Variants in ERC1 observed in about 807,000 individuals in gnomAD.
ERC1 encodes RAB6 interacting protein 2.
Under a neutral mutation model 132.0 loss-of-function variants are expected in ERC1, and 56 were observed. The observed-to-expected ratio is 0.42, with a 90% confidence interval of 0.34 to 0.53. The LOEUF is 0.53. Ranked by LOEUF, ERC1 falls within the 20% of genes least tolerant of loss-of-function variation. The pLI is 0.03. For synonymous variants in ERC1, 478 were observed against 476.1 expected, an observed-to-expected ratio of 1.00 and a Z score of -0.05; for missense variants, 1,202 against 1,349.9, an observed-to-expected ratio of 0.89 and a Z score of 1.72.
chr12:1,438,999 G>C (rs2093029313), intron 17 of ERC1, among the ~76,000 whole-genome samples: 1 of 150,866 alleles, frequency 6.6e-6, no homozygotes, highest in Non-Finnish European at 1.5e-5. Context: ...ACGGACAAAA[G>C]ATTAGTACCC....
At chr12:1,334,581 C>T (rs2083150620) in intron 15 of ERC1, among the ~76,000 whole-genome samples, 1 of 152,052 alleles carries the variant, frequency 6.6e-6, no homozygotes, top group Non-Finnish European at 1.5e-5. Context: ...CTCTTCTGTT[C>T]CATTGGTCTA....
chr12:1,480,920 C>G, intron 18 of ERC1: 1 of 702,544 alleles, frequency 1.4e-6, no homozygotes, highest in Non-Finnish European at 2.6e-6. Flanking sequence ...CAGACGCCCC[C>G]AGACGTCCCC....
At chr12:1,438,946 TAA>T (rs145056944) in intron 17 of ERC1, among the ~76,000 whole-genome samples, 18,572 of 144,598 alleles carry the variant, frequency 0.13, 2,626 homozygotes, top group African/African-American at 0.36. Context: ...TGTCTCAATT[TAA>T]AAAAAAATAT....
chr12:1,225,423 C>T (rs1301958265), intron 12 of ERC1, among the ~76,000 whole-genome samples: 1 of 138,006 alleles, frequency 7.2e-6, no homozygotes, highest in Non-Finnish European at 1.5e-5. Flanking sequence ...CTACTACAGC[C>T]AGGACAACAA....
chr12:1,475,271 C>T (rs2093947642), intron 18 of ERC1, among the ~76,000 whole-genome samples: 1 of 152,162 alleles, frequency 6.6e-6, no homozygotes, highest in Non-Finnish European at 1.5e-5. Flanking sequence ...AGAACATTAT[C>T]GAGGCCTTTC....
chr12:1,486,684 C>G (rs931708615), intron 18 of ERC1, among the ~76,000 whole-genome samples: 2 of 152,082 alleles, frequency 1.3e-5, no homozygotes, highest in African/African-American at 2.4e-5. Context: ...CTCGGCCTCC[C>G]AAAGTGCTGG....
intron 12 of ERC1, among the ~76,000 whole-genome samples, chr12:1,191,518 C>A (rs1955733687): frequency 6.6e-6 from 1 of 152,106 alleles, no homozygotes; most frequent in South Asian, 2.1e-4. Flanking sequence ...TATTAGAAAT[C>A]TACATTTGAA....
At chr12:1,350,069 A>T (rs2084864225) in intron 15 of ERC1, among the ~76,000 whole-genome samples, 1 of 152,214 alleles carries the variant, frequency 6.6e-6, no homozygotes, top group South Asian at 2.1e-4. Context: ...TGAGTTTTAA[A>T]GGATGAGGGA....
intron 15 of ERC1, among the ~76,000 whole-genome samples, chr12:1,365,141 C>A (rs1448040246): frequency 6.6e-6 from 1 of 151,822 alleles, no homozygotes; most frequent in Admixed American, 6.6e-5. Flanking sequence ...ACTTGTGCAC[C>A]CCCTCTTAAA....
chr12:1,436,157 C>G (rs1331115129), intron 17 of ERC1, among the ~76,000 whole-genome samples: 2 of 123,076 alleles, frequency 1.6e-5, no homozygotes, highest in East Asian at 2.0e-4. Context: ...GACAGACGGA[C>G]ACACACACAC....
chr12:1,027,704 A>G (rs1444522478), intron 1 of ERC1, 44 bp from the exon 2 acceptor site: 4 of 555,614 alleles, frequency 7.2e-6, no homozygotes, highest in Admixed American at 3.2e-5. Context: ...GAGAAGGGAA[A>G]TATTTATTAT....
chr12:1,426,199 G>C (rs2092633928), intron 17 of ERC1, among the ~76,000 whole-genome samples: 1 of 151,718 alleles, frequency 6.6e-6, no homozygotes, highest in South Asian at 2.1e-4. Context: ...CACCTCCTGG[G>C]TTCAAGTGAT....
intron 8 of ERC1, among the ~76,000 whole-genome samples, chr12:1,175,158 CTG>C (rs796864756): frequency 5.1e-4 from 77 of 152,298 alleles, no homozygotes; most frequent in African/African-American, 1.8e-3. Flanking sequence ...TGTCTTGCCT[CTG>C]TGTTGGTGGC....
intron 11 of ERC1, among the ~76,000 whole-genome samples, chr12:1,184,156 A>G (rs895255222): frequency 6.8e-6 from 1 of 147,906 alleles, no homozygotes; most frequent in Non-Finnish European, 1.5e-5. Flanking sequence ...AAAAAAAGAA[A>G]AAAAAAAGAA....
At chr12:1,260,449 C>T (rs1038385019) in intron 13 of ERC1, among the ~76,000 whole-genome samples, 4 of 152,104 alleles carry the variant, frequency 2.6e-5, no homozygotes, top group Non-Finnish European at 4.4e-5. Flanking sequence ...TTTGCAAGAG[C>T]GAGGACAAGA....
At chr12:1,477,877 C>T (rs116227980) in intron 18 of ERC1, among the ~76,000 whole-genome samples, 338 of 152,288 alleles carry the variant, frequency 2.2e-3, no homozygotes, top group African/African-American at 7.6e-3. Context: ...TGTCTGGATT[C>T]TGTCATTCAA....
At chr12:1,265,580 CTG>C in intron 14 of ERC1, among the ~76,000 whole-genome samples, 1 of 152,140 alleles carries the variant, frequency 6.6e-6, no homozygotes. Flanking sequence ...TTGTTATTAA[CTG>C]TGTGGTCCAT....
intron 15 of ERC1, among the ~76,000 whole-genome samples, chr12:1,356,021 C>A (rs140148034): frequency 6.6e-6 from 1 of 151,932 alleles, no homozygotes; most frequent in Non-Finnish European, 1.5e-5. Context: ...GCCTGGGCAA[C>A]GTGATGAAAC....
At chr12:1,248,788 A>G (rs2154313356) in intron 13 of ERC1, among the ~76,000 whole-genome samples, 1 of 152,330 alleles carries the variant, frequency 6.6e-6, no homozygotes, top group African/African-American at 2.4e-5. Context: ...TGCTAGAAAC[A>G]GTAATGTTGC....
Sources: allele counts gnomAD v4.1 joint callset (sites outside exome capture counted in the v4.1 genomes callset), GRCh38; gene constraint gnomAD v4.1.1; transcripts MANE v1.5; gene names NCBI Gene and HGNC (gene_info 2026-07-23, HGNC 2026-07-21).